The following RAP1GAP2 variants were observed in gnomAD, a reference collection of about 807,000 sequenced individuals.
RAP1GAP2 encodes the protein rap1 GTPase-activating protein 2.
In RAP1GAP2, 27 loss-of-function variants were observed where a neutral mutation model predicts 95.0. The observed-to-expected ratio is 0.28, with a 90% CI of 0.21 to 0.39. The LOEUF is 0.39. RAP1GAP2 is among the 10% of genes least tolerant of loss of function. RAP1GAP2 has a pLI of 1.00. For synonymous variants in RAP1GAP2, 373 were observed against 380.9 expected (o/e 0.98, Z 0.24); for missense variants, 771 against 970.0 (o/e 0.79, Z 2.72).
intron 3 of RAP1GAP2, among the ~76,000 whole-genome samples, chr17:2,936,777 C>A (rs897242121): frequency 6.6e-6 from 1 of 152,148 alleles, no homozygotes; most frequent in Admixed American, 6.5e-5. Flanking sequence ...TGGAAGTCCT[C>A]CCGGGACCCC....
chr17:2,888,781 A>G (rs1420395270), intron 2 of RAP1GAP2, among the ~76,000 whole-genome samples: 4 of 146,874 alleles, frequency 2.7e-5, no homozygotes, highest in Non-Finnish European at 6.0e-5. Flanking sequence ...CCTCCCAAGT[A>G]GTTGGGACTA....
chr17:2,844,222 A>G (rs376620756), intron 2 of RAP1GAP2, among the ~76,000 whole-genome samples: 2 of 151,994 alleles, frequency 1.3e-5, no homozygotes, highest in East Asian at 1.9e-4. Flanking sequence ...GTGTTTCGCC[A>G]TTTTAACCAG....
chr17:2,760,292 C>CAAAAAAAA (rs374784170), intron 1 of RAP1GAP2, among the ~76,000 whole-genome samples: 1 of 59,268 alleles, frequency 1.7e-5, no homozygotes, highest in African/African-American at 6.2e-5. Context: ...GACTCTGTCT[C>CAAAAAAAA]AAAAAAAAAA....
At chr17:2,929,363 G>GC (rs2043068585) in intron 3 of RAP1GAP2, among the ~76,000 whole-genome samples, 1 of 152,094 alleles carries the variant, frequency 6.6e-6, no homozygotes, top group Non-Finnish European at 1.5e-5. Flanking sequence ...ATGAGTGAGG[G>GC]CTGGAATCTG....
At chr17:2,828,751 G>A (rs570659486) in intron 2 of RAP1GAP2, among the ~76,000 whole-genome samples, 9 of 152,232 alleles carry the variant, frequency 5.9e-5, no homozygotes, top group Admixed American at 4.6e-4. Flanking sequence ...AGCCCTGGCC[G>A]GGGGCAGAAG....
intron 10 of RAP1GAP2, among the ~76,000 whole-genome samples, chr17:2,982,754 A>G (rs981183435): frequency 6.6e-6 from 1 of 152,202 alleles, no homozygotes; most frequent in Admixed American, 6.5e-5. Context: ...AATCTTAGCC[A>G]CCGAGAGGAC....
intron 2 of RAP1GAP2, among the ~76,000 whole-genome samples, chr17:2,803,181 T>TG (rs2069371743): frequency 1.3e-5 from 2 of 152,108 alleles, no homozygotes; most frequent in Non-Finnish European, 2.9e-5. Context: ...AGTGAAAAGC[T>TG]GGGGGCGTGG....
intron 8 of RAP1GAP2, among the ~76,000 whole-genome samples, chr17:2,975,918 AG>A (rs1858891047): frequency 1.3e-5 from 2 of 152,272 alleles, no homozygotes. Context: ...GAAACTGGGC[AG>A]GGAAAGAGTC....
intron 4 of RAP1GAP2, 58 bp from the exon 5 acceptor site, chr17:2,962,612 C>A: frequency 6.6e-7 from 1 of 1,511,770 alleles, no homozygotes; most frequent in South Asian, 1.2e-5. Flanking sequence ...TGCTCTTTAT[C>A]TGGCCCTGTC....
At chr17:2,823,900 G>T (rs1450729591) in intron 2 of RAP1GAP2, among the ~76,000 whole-genome samples, 1 of 152,042 alleles carries the variant, frequency 6.6e-6, no homozygotes, top group Non-Finnish European at 1.5e-5. Flanking sequence ...GAGGCGGGCG[G>T]ATCACGAGGT....
intron 3 of RAP1GAP2, among the ~76,000 whole-genome samples, chr17:2,918,289 T>C (rs546894292): frequency 9.9e-5 from 15 of 151,900 alleles, no homozygotes; most frequent in Admixed American, 7.9e-4. Context: ...AAAAATTAGT[T>C]GGGCATGGTG....
intron 3 of RAP1GAP2, among the ~76,000 whole-genome samples, chr17:2,943,521 T>C (rs1355366552): frequency 6.6e-6 from 1 of 151,766 alleles, no homozygotes; most frequent in Non-Finnish European, 1.5e-5. Context: ...AAAAATTAGC[T>C]GGGTGTGGTG....
At chr17:2,785,741 C>A (rs2151454971) in intron 1 of RAP1GAP2, among the ~76,000 whole-genome samples, 1 of 152,280 alleles carries the variant, frequency 6.6e-6, no homozygotes, top group South Asian at 2.1e-4. Context: ...CGAATAAAAA[C>A]CTCTTCCTTC....
At chr17:2,810,758 T>C (rs1053776833) in intron 2 of RAP1GAP2, among the ~76,000 whole-genome samples, 3 of 152,056 alleles carry the variant, frequency 2.0e-5, no homozygotes, top group Non-Finnish European at 4.4e-5. Context: ...CGCAAACTCC[T>C]GACCTCGTGA....
At chr17:2,873,406 C>G (rs979511234) in intron 2 of RAP1GAP2, among the ~76,000 whole-genome samples, 1 of 123,510 alleles carries the variant, frequency 8.1e-6, no homozygotes, top group Non-Finnish European at 1.6e-5. Flanking sequence ...GCCCAGGAGG[C>G]GGAGGTTGCA....
At chr17:2,911,979 C>T (rs987461112) in intron 3 of RAP1GAP2, among the ~76,000 whole-genome samples, 3 of 152,186 alleles carry the variant, frequency 2.0e-5, no homozygotes, top group African/African-American at 7.2e-5. Flanking sequence ...CCTCTTTGTG[C>T]AAGTCTGAGG....
intron 2 of RAP1GAP2, among the ~76,000 whole-genome samples, chr17:2,886,523 TAGTC>T (rs1024525063): frequency 4.6e-5 from 7 of 152,208 alleles, no homozygotes; most frequent in Non-Finnish European, 7.3e-5. Context: ...AACAGAATGA[TAGTC>T]AGTGGTGCCC....
chr17:2,837,941 C>T (rs2071210176), intron 2 of RAP1GAP2, among the ~76,000 whole-genome samples: 1 of 149,336 alleles, frequency 6.7e-6, no homozygotes, highest in Non-Finnish European at 1.5e-5. Flanking sequence ...TGATCCTGGA[C>T]AGAAGAGTTA....
rs533352673 is a variant in RAP1GAP2, at chr17:2,780,002, C to T, written c.-14+2724C>T. The stretch of plus-strand genomic sequence containing the variant: ...GAGGTCTAGCTGGGCCTTCCTAGGG[C>T]GTAAACTGGGGCAGTGTTCGTAGTT... On this transcript the variant is annotated intron_variant, in intron 1 of 24. Coordinates refer to the RAP1GAP2 transcript ENST00000540393. Among the ~76,000 whole-genome samples the T allele has an allele frequency of 6.6e-5, 10 of 152,102 alleles. No individual in the cohort carries two copies. The South Asian group carries it at 1.5e-3, about 22-fold the overall frequency.
Sources: allele counts gnomAD v4.1 joint callset (sites outside exome capture counted in the v4.1 genomes callset), GRCh38; gene constraint gnomAD v4.1.1; transcripts MANE v1.5; gene names NCBI Gene and HGNC (gene_info 2026-07-23, HGNC 2026-07-21).